PSME4: variants seen among roughly 807,000 people sequenced by gnomAD.
The protein encoded by PSME4 is proteasome activator complex subunit 4.
In PSME4, 89 loss-of-function variants were observed where a neutral mutation model predicts 253.9. The observed-to-expected ratio is 0.35, with a 90% CI of 0.30 to 0.42. The LOEUF is 0.42. Ranked by LOEUF, PSME4 falls within the 10% of genes least tolerant of loss-of-function variation. The pLI, the probability that PSME4 is intolerant of heterozygous loss-of-function variation, is 1.00. For missense variants in PSME4, 2,014 were observed against 2,195.2 expected (o/e 0.92, Z 1.65); for synonymous variants, 851 against 759.2 (o/e 1.12, Z -1.99).
chr2:53,922,979 CAG>C, intron 16 of PSME4, 68 bp downstream of exon 16: 1 of 1,213,892 alleles, frequency 8.2e-7, no homozygotes, highest in South Asian at 1.9e-5. Flanking sequence ...TTGTCATTAA[CAG>C]AGTTTTAGAA....
Position 53,869,362 on chromosome 2 carries a change from A to AT in PSME4, c.5263+13_5263+14insA, listed in dbSNP as rs1428062734. 1 of 1,592,104 alleles carries AT rather than the reference A, an allele frequency of 6.3e-7. No individual in the cohort carries two copies. Among genetic ancestry groups the AT allele is most frequent in the South Asian group, 1.1e-5 (1 of 88,880 alleles). The stretch of plus-strand genomic sequence containing the variant: ...TCCCAATAGGATACAGGTGTTTCCT[A>AT]CCAGCAATGTTACCTGCAGAAGGAA... On this transcript the variant is annotated intron_variant, in intron 44 of 46. Transcript: ENST00000404125.
intron 26 of PSME4, among the ~76,000 whole-genome samples, chr2:53,905,479 T>C (rs1680612876): frequency 6.6e-6 from 1 of 152,074 alleles, no homozygotes; most frequent in Non-Finnish European, 1.5e-5. Flanking sequence ...GGCAGGCAGA[T>C]CGCTTGAGCC....
chr2:53,919,034 A>C, intron 20 of PSME4, 117 bp downstream of exon 20: 1 of 1,028,900 alleles, frequency 9.7e-7, no homozygotes, highest in Non-Finnish European at 1.4e-6. Context: ...TAACAGTGAC[A>C]AATAAAAAGG....
intron 44 of PSME4, among the ~76,000 whole-genome samples, chr2:53,867,669 C>CAA (rs35848517): frequency 1.3e-3 from 124 of 98,464 alleles, no homozygotes; most frequent in African/African-American, 2.9e-3. Flanking sequence ...GACCTTACCT[C>CAA]AAAAAAAAAA....
At chr2:53,946,914 G>A (rs1319477248) in intron 3 of PSME4, among the ~76,000 whole-genome samples, 3 of 151,754 alleles carry the variant, frequency 2.0e-5, no homozygotes, top group African/African-American at 7.3e-5. Context: ...CCTGAAAAAG[G>A]AAGGAAGGAA....
chr2:53,900,056 C>T, intron 28 of PSME4, 39 bp from the exon 29 acceptor site: 1 of 1,571,792 alleles, frequency 6.4e-7, no homozygotes. Context: ...AAATGAAGTT[C>T]TGATGCATAC....
intron 5 of PSME4, among the ~76,000 whole-genome samples, chr2:53,937,115 T>G (rs971629961): frequency 6.6e-6 from 1 of 152,204 alleles, no homozygotes; most frequent in African/African-American, 2.4e-5. Flanking sequence ...TCCTTTTCCC[T>G]GCCCTTCTCC....
At chr2:53,940,493 T>C (rs1018377212) in intron 3 of PSME4, among the ~76,000 whole-genome samples, 2 of 152,034 alleles carry the variant, frequency 1.3e-5, no homozygotes, top group South Asian at 2.1e-4. Flanking sequence ...AAAAGAACAA[T>C]AGCATCTCTT....
At chr2:53,891,920 G>A (rs805407) in intron 36 of PSME4, among the ~76,000 whole-genome samples, 42,891 of 151,298 alleles carry the variant, frequency 0.28, 6,477 homozygotes, top group South Asian at 0.47. Flanking sequence ...TGGACAGACG[G>A]AAGGACAGAT....
chr2:53,870,620 C>T (rs1362776092), intron 43 of PSME4: 1 of 151,814 alleles, frequency 6.6e-6, no homozygotes, highest in Non-Finnish European at 1.5e-5. Context: ...TCGTGATCCG[C>T]CCACGTCAGC....
chr2:53,912,018 G>A (rs1667849674), intron 20 of PSME4, among the ~76,000 whole-genome samples: 1 of 152,162 alleles, frequency 6.6e-6, no homozygotes, highest in Non-Finnish European at 1.5e-5. Context: ...GTATAAGATT[G>A]TAAAATATTA....
intron 20 of PSME4, among the ~76,000 whole-genome samples, chr2:53,916,486 TTC>T (rs1668070404): frequency 6.6e-6 from 1 of 152,214 alleles, no homozygotes; most frequent in Non-Finnish European, 1.5e-5. Context: ...GCTAAGTTAA[TTC>T]TCTTTCTCTA....
At chr2:53,968,933 G>C (rs1202343681) in intron 1 of PSME4, among the ~76,000 whole-genome samples, 1 of 152,174 alleles carries the variant, frequency 6.6e-6, no homozygotes, top group Non-Finnish European at 1.5e-5. Flanking sequence ...ATCCAAAGCA[G>C]ATATGCCTTC....
intron 36 of PSME4, among the ~76,000 whole-genome samples, chr2:53,891,463 A>G (rs1033780736): frequency 6.6e-6 from 1 of 152,202 alleles, no homozygotes; most frequent in Non-Finnish European, 1.5e-5. Context: ...ATCATTACAC[A>G]TTGTGTGCAT....
chr2:53,908,938 T>A, intron 21 of PSME4, 98 bp from the exon 22 acceptor site: 1 of 897,238 alleles, frequency 1.1e-6, no homozygotes, highest in Non-Finnish European at 1.7e-6. Flanking sequence ...GGATAAAGTA[T>A]TGGAGAAAAA....
intron 3 of PSME4, chr2:53,942,232 A>C (rs970021523): frequency 6.5e-6 from 1 of 152,714 alleles, no homozygotes; most frequent in Non-Finnish European, 1.5e-5. Context: ...TTTCTGTTTA[A>C]AAATAAAATA....
chr2:53,894,236 G>A (rs746661419), intron 34 of PSME4, among the ~76,000 whole-genome samples: 1 of 152,044 alleles, frequency 6.6e-6, no homozygotes, highest in Non-Finnish European at 1.5e-5. Flanking sequence ...CAAGGACCAA[G>A]TACATAAACT....
chr2:53,920,427 T>C (rs1165541427), intron 18 of PSME4, 77 bp from the exon 19 acceptor site: 3 of 1,340,790 alleles, frequency 2.2e-6, no homozygotes, highest in Non-Finnish European at 3.0e-6. Flanking sequence ...ATATACACAA[T>C]TTTTAAAATT....
At chr2:53,922,260 T>C (rs1299904657) in intron 17 of PSME4, among the ~76,000 whole-genome samples, 1 of 152,170 alleles carries the variant, frequency 6.6e-6, no homozygotes, top group Non-Finnish European at 1.5e-5. Flanking sequence ...CCAAATCTGA[T>C]CAACTTTTTC....
Sources: gnomAD v4.1 joint callset for allele counts (sites outside exome capture counted in the v4.1 genomes callset) on GRCh38, gnomAD v4.1.1 for gene constraint, MANE v1.5 for transcripts, NCBI Gene and HGNC (gene_info 2026-07-23, HGNC 2026-07-21) for gene names.